The following OR4D2 variants were observed in gnomAD, a reference collection of about 807,000 sequenced individuals.
OR4D2 encodes the protein olfactory receptor 4D2.
In OR4D2, 9 loss-of-function variants were observed where a neutral mutation model predicts 12.4. That is an observed-to-expected ratio of 0.73 (90% CI 0.44 to 1.27). The LOEUF (loss-of-function observed/expected upper bound fraction) is 1.27. Among genes scored for constraint, OR4D2 ranks in the 50% most tolerant of loss-of-function variants. OR4D2 has a pLI of 0.00. For synonymous variants in OR4D2, 151 were observed against 151.1 expected, an observed-to-expected ratio of 1.00 and a Z score of 0.01; for missense variants, 373 against 381.6, an observed-to-expected ratio of 0.98 and a Z score of 0.19.
chr17:58,167,943 CAGTG>C (rs1967909085), intron 1 of OR4D2, among the ~76,000 whole-genome samples: 1 of 126,040 alleles, frequency 7.9e-6, no homozygotes. Context: ...GCGGAGCTTG[CAGTG>C]AGTGAGCCGA....
Position 58,170,436 on chromosome 17 carries a change from C to A in OR4D2, c.781C>A (p.Pro261Thr), listed in dbSNP as rs776235277. The A allele has an allele frequency of 6.2e-7, 1 of 1,614,212 alleles. No individual in the cohort carries two copies. Among genetic ancestry groups the A allele is most frequent in the Non-Finnish European group, 8.5e-7 (1 of 1,180,032 alleles). ...FVPSIYLYARPFTPFPMDKLV... is the reference protein window; with the variant it reads ...FVPSIYLYARTFTPFPMDKLV... ...TCCAAGCATTTACCTCTATGCCCGG[C>A]CCTTCACTCCATTCCCTATGGACAA... Residue 261 changes from proline to threonine, a missense_variant, in exon 2 of 2, where the codon CCC becomes ACC. Coordinates refer to ENST00000545221, the MANE Select transcript of OR4D2 (RefSeq NM_001004707.4).
intron 1 of OR4D2, among the ~76,000 whole-genome samples, chr17:58,167,527 C>G (rs995112074): frequency 1.3e-5 from 2 of 152,132 alleles, no homozygotes; most frequent in South Asian, 4.1e-4. Context: ...TTTTTATAGT[C>G]TTGTATGAAA....
Position 58,170,522 on chromosome 17 carries a change from G to T in OR4D2, c.867G>T (p.Leu289=). 1 of 1,614,184 alleles carries T rather than the reference G, an allele frequency of 6.2e-7. No individual in the cohort carries two copies. Among genetic ancestry groups the T allele is most frequent in the Non-Finnish European group, 8.5e-7 (1 of 1,180,032 alleles). ...TGCTCAACCCCATGATCTATACCCT[G>T]AGGAACCAGGACATGCAGGCAGCAG... ...TPMLNPMIYT[L]RNQDMQAAVR... Residue 289 remains leucine, a synonymous_variant, in exon 2 of 2, where the codon CTG becomes CTT. Coordinates refer to ENST00000545221, the MANE Select transcript of OR4D2 (RefSeq NM_001004707.4).
chr17:58,168,347 G>T lies in OR4D2; in HGVS notation c.-18-1291G>T, dbSNP rs978295220. 2.6e-5 allele frequency among the ~76,000 whole-genome samples: 4 copies of T among 152,090 alleles called. No homozygotes were observed. In the East Asian group the frequency reaches 7.7e-4, roughly 29 times the overall value. On this transcript the variant is annotated intron_variant, in intron 1 of 1. Transcript: ENST00000545221. ...GCCTCCCAAGTAGCTGAGATTACAG[G>T]TGTGTGCCACCACGCCCGGCTAATT... is the stretch of plus-strand genomic sequence containing the variant.
chr17:58,170,762 GT>G lies in OR4D2; in HGVS notation c.*184del. On this transcript the variant is annotated 3_prime_UTR_variant, in exon 2 of 2. Transcript: ENST00000545221. ...GTATCCTCTTTGGTGGTTAAGGTTTGTGATAAAGAGTTTTAACACACTCGCA... is the reference window on the plus strand; with the variant it reads ...GTATCCTCTTTGGTGGTTAAGGTTTGGATAAAGAGTTTTAACACACTCGCA... 1 of 607,250 alleles carries G rather than the reference GT, an allele frequency of 1.6e-6. No homozygotes were observed. The highest frequency in any genetic ancestry group is 2.9e-6 in the Non-Finnish European group (1 of 341,526). The allele number at this position is 607,250 out of a possible 1,614,324, so 37.6% of individuals were successfully genotyped here. A position where few individuals can be genotyped will look rare whatever the true frequency, so the allele number is the denominator to read the frequency against.
At position 58,169,749 on chromosome 17, in the gene OR4D2, C is replaced by T. The variant is rs1421973447; in HGVS notation, c.94C>T (p.Leu32=). 3.7e-6 allele frequency: 6 copies of T among 1,613,894 alleles called. No homozygotes were observed. The highest frequency in any genetic ancestry group is 1.6e-4 in the Middle Eastern group (1 of 6,084). ...ELQRFLFLMF[L]FVYITTVMGN... ...CCAGCGTTTCCTGTTTCTAATGTTC[C>T]TGTTTGTCTACATCACCACTGTTAT... The change falls in exon 2 of 2, where the codon CTG becomes TTG. Residue 32 remains leucine, a synonymous_variant. Transcript: ENST00000545221.
chr17:58,170,159 C>T lies in OR4D2; in HGVS notation c.504C>T (p.Phe168=), dbSNP rs543689274. ...TGGCTCTGATGCTCCCACTGCCCTTCTGTGGCCCCAACATTTTGGATAACT... is the reference window on the plus strand; with the variant it reads ...TGGCTCTGATGCTCCCACTGCCCTTTTGTGGCCCCAACATTTTGGATAACT... ...VQLALMLPLP[F]CGPNILDNFY... The change falls in exon 2 of 2, where the codon TTC becomes TTT. Residue 168 remains phenylalanine (F), a synonymous_variant. Coordinates refer to ENST00000545221, the MANE Select transcript of OR4D2 (RefSeq NM_001004707.4). The T allele has an allele frequency of 3.7e-6, 6 of 1,614,094 alleles. No individual in the cohort carries two copies. Among genetic ancestry groups the T allele is most frequent in the Admixed American group, 1.7e-5 (1 of 60,014 alleles).
chr17:58,168,641 C>G (rs1486158850), intron 1 of OR4D2, among the ~76,000 whole-genome samples: 1 of 152,192 alleles, frequency 6.6e-6, no homozygotes, highest in Non-Finnish European at 1.5e-5. Flanking sequence ...TTTCTTTCAA[C>G]AACTTCCTTT....
In OR4D2 at chr17:58,170,020, G is replaced by T. The variant is rs142058863; in HGVS notation, c.365G>T (p.Arg122Leu). 6.2e-7 allele frequency: 1 copy of T among 1,613,826 alleles called. No individual in the cohort carries two copies. The change falls in exon 2 of 2, where the codon CGC becomes CTC. Residue 122 changes from arginine to leucine, a missense_variant. Coordinates refer to ENST00000545221, the MANE Select transcript of OR4D2 (RefSeq NM_001004707.4). Reference protein sequence around the residue: ...VFFLSVMAFDRLIAISRPLRY... With the variant: ...VFFLSVMAFDLLIAISRPLRY... Reference sequence around the variant, plus strand: ...TTCCTCTCAGTGATGGCCTTTGACCGCCTCATTGCCATCTCCCGGCCCCTC... The same window carrying T: ...TTCCTCTCAGTGATGGCCTTTGACCTCCTCATTGCCATCTCCCGGCCCCTC...
chr17:58,167,999 C>CAAAAAAAAA (rs1165311786), intron 1 of OR4D2, among the ~76,000 whole-genome samples: 16 of 39,202 alleles, frequency 4.1e-4, no homozygotes, highest in African/African-American at 1.1e-3. Flanking sequence ...GACTCCGTCA[C>CAAAAAAAAA]AAAAAAAAAA....
rs1218412877 is a variant in OR4D2, at chr17:58,170,137, C to T, written c.482C>T (p.Ala161Val). 3 of 1,614,060 alleles carry T rather than the reference C, an allele frequency of 1.9e-6. No individual in the cohort carries two copies. Among genetic ancestry groups the T allele is most frequent in the Non-Finnish European group, 2.5e-6 (3 of 1,180,046 alleles). ...GGFVHSIVQL[A>V]LMLPLPFCGP... ...TTTGTCCACTCTATTGTCCAGCTGG[C>T]TCTGATGCTCCCACTGCCCTTCTGT... Residue 161 changes from alanine (A) to valine (V), a missense_variant, in exon 2 of 2, where the codon GCT (alanine) becomes GTT (valine). By Grantham distance (64) the Ala-to-Val change is moderately conservative (BLOSUM62 0). Coordinates refer to ENST00000545221, the MANE Select transcript of OR4D2 (RefSeq NM_001004707.4).
chr17:58,168,255 G>A (rs1274567977), intron 1 of OR4D2, among the ~76,000 whole-genome samples: 1 of 151,498 alleles, frequency 6.6e-6, no homozygotes, highest in African/African-American at 2.4e-5. Flanking sequence ...CACCCAGGCT[G>A]GAGTGCAGTG....
chr17:58,169,612 C>A (rs1967932421), intron 1 of OR4D2, 26 bp from the exon 2 acceptor site: 1 of 1,494,462 alleles, frequency 6.7e-7, no homozygotes, highest in African/African-American at 1.4e-5. Flanking sequence ...CTTCATGTAT[C>A]TGTGTCTGTG....
rs751141957 is a variant in OR4D2 at position 58,170,541 on chromosome 17, G to A, written c.886G>A (p.Ala296Thr). ...TACCCTGAGGAACCAGGACATGCAGGCAGCAGTGAGAAGATTAGGGAGACA... is the reference window on the plus strand; with the variant it reads ...TACCCTGAGGAACCAGGACATGCAGACAGCAGTGAGAAGATTAGGGAGACA... ...IYTLRNQDMQ[A>T]AVRRLGRHRL... Residue 296 changes from alanine (A) to threonine (T), a missense_variant, in exon 2 of 2, where the codon GCA becomes ACA. Coordinates refer to ENST00000545221, the MANE Select transcript of OR4D2 (RefSeq NM_001004707.4). The A allele has an allele frequency of 2.5e-6, 4 of 1,614,058 alleles. No individual in the cohort carries two copies. The highest frequency in any genetic ancestry group is 2.7e-5 in the African/African-American group (2 of 74,922).
intron 1 of OR4D2, among the ~76,000 whole-genome samples, chr17:58,168,452 T>G (rs538703626): frequency 6.6e-6 from 1 of 152,124 alleles, no homozygotes; most frequent in Non-Finnish European, 1.5e-5. Flanking sequence ...AAGTGATCCA[T>G]CCGCCTCCGC....
At chr17:58,168,124 T>C (rs1206117645) in intron 1 of OR4D2, among the ~76,000 whole-genome samples, 1 of 139,274 alleles carries the variant, frequency 7.2e-6, no homozygotes, top group Non-Finnish European at 1.5e-5. Context: ...TAAGAGAGGG[T>C]AAGAGAGATT....
intron 1 of OR4D2, 30 bp from the exon 2 acceptor site, chr17:58,169,608 G>T (rs1210992840): frequency 2.0e-6 from 3 of 1,471,562 alleles, no homozygotes; most frequent in Non-Finnish European, 2.9e-6. Context: ...GTGACTTCAT[G>T]TATCTGTGTC....
intron 1 of OR4D2, among the ~76,000 whole-genome samples, chr17:58,168,916 T>C (rs1400858334): frequency 1.3e-5 from 2 of 152,198 alleles, no homozygotes; most frequent in Non-Finnish European, 2.9e-5. Flanking sequence ...CTGATAGCTA[T>C]TCACCCATGC....
In OR4D2 at chr17:58,169,981, G is replaced by A. The variant is rs1212711783; in HGVS notation, c.326G>A (p.Gly109Asp). The change falls in exon 2 of 2, where the codon GGT becomes GAT. Residue 109 changes from glycine to aspartate, a missense_variant. Coordinates refer to ENST00000545221, the MANE Select transcript of OR4D2 (RefSeq NM_001004707.4). ...ATCTTCTTCTTCCACTTTTTGGGAG[G>A]TGCCATGGTCTTCTTCCTCTCAGTG... ...GQIFFFHFLGGAMVFFLSVMA... is the reference protein window; with the variant it reads ...GQIFFFHFLGDAMVFFLSVMA... 1.2e-6 allele frequency: 2 copies of A among 1,613,964 alleles called. No homozygotes were observed. Among genetic ancestry groups the A allele is most frequent in the Admixed American group, 1.7e-5 (1 of 60,006 alleles).
Sources: allele counts gnomAD v4.1 joint callset (sites outside exome capture counted in the v4.1 genomes callset), GRCh38; gene constraint gnomAD v4.1.1; transcripts MANE v1.5; gene names NCBI Gene and HGNC (gene_info 2026-07-23, HGNC 2026-07-21).